The following SHLD3 variants were observed in gnomAD, a reference collection of about 807,000 sequenced individuals.
The protein encoded by SHLD3 is shieldin complex subunit 3.
In SHLD3, 15 loss-of-function variants were observed where a neutral mutation model predicts 21.4. The observed-to-expected ratio is 0.70, with a 90% CI of 0.47 to 1.08. The LOEUF is 1.08. SHLD3 is among the 50% of genes least tolerant of loss of function. The pLI is 0.00. For synonymous variants in SHLD3, 103 were observed against 97.2 expected (o/e 1.06, Z -0.35); for missense variants, 273 against 286.1 (o/e 0.95, Z 0.33).
chr5:65,625,242 G>A, intron 1 of SHLD3, 136 bp downstream of exon 1: 2 of 754,834 alleles, frequency 2.6e-6, no homozygotes, highest in Non-Finnish European at 4.5e-6. Context: ...CCGCCAAGCG[G>A]GAGGAAGCGA....
In SHLD3 at chr5:65,629,996, C is replaced by A. The variant is rs1050386532; in HGVS notation, c.409C>A (p.Pro137Thr). 2.6e-6 allele frequency: 4 copies of A among 1,535,846 alleles called. No individual in the cohort carries two copies. Among genetic ancestry groups the A allele is most frequent in the East Asian group, 2.4e-5 (1 of 40,910 alleles). The change falls in exon 2 of 2, where the codon CCC (proline) becomes ACC (threonine). Residue 137 changes from proline (P) to threonine (T), a missense_variant. By Grantham distance (38) the Pro-to-Thr change is conservative. Coordinates refer to ENST00000510585, the MANE Select transcript of SHLD3 (RefSeq NM_001365341.2). The part of the protein sequence containing the change: ...HKRRSWSISL[P>T]SNNCTKNVSP... ...GAGGAGATCTTGGAGTATTTCCCTTCCCAGCAATAATTGTACTAAAAACGT... is the reference window on the plus strand; with the variant it reads ...GAGGAGATCTTGGAGTATTTCCCTTACCAGCAATAATTGTACTAAAAACGT...
intron 1 of SHLD3, among the ~76,000 whole-genome samples, chr5:65,628,943 T>C (rs542383852): frequency 6.6e-6 from 1 of 151,690 alleles, no homozygotes; most frequent in East Asian, 1.9e-4. Flanking sequence ...TCAGCTTCCC[T>C]AGTAGCTGGG....
Position 65,629,952 on chromosome 5 carries a change from A to C in SHLD3, c.365A>C (p.Glu122Ala). ...TNSGNLGKQSEKGKQHKRRSW... is the reference protein window; with the variant it reads ...TNSGNLGKQSAKGKQHKRRSW... ...TCTGGAAATCTGGGTAAACAATCAG[A>C]AAAGGGAAAACAGCACAAGAGGAGA... Residue 122 changes from glutamate (E) to alanine (A), a missense_variant, in exon 2 of 2, where the codon GAA becomes GCA. Coordinates refer to ENST00000510585, the MANE Select transcript of SHLD3 (RefSeq NM_001365341.2). The C allele has an allele frequency of 6.5e-7, 1 of 1,536,114 alleles. No individual in the cohort carries two copies. The highest frequency in any genetic ancestry group is 8.7e-7 in the Non-Finnish European group (1 of 1,146,878).
At chr5:65,627,328 C>T (rs1392196835) in intron 1 of SHLD3, among the ~76,000 whole-genome samples, 1 of 150,832 alleles carries the variant, frequency 6.6e-6, no homozygotes, top group Non-Finnish European at 1.5e-5. Context: ...TTTAAGTGGT[C>T]ATTTAAGTTC....
rs373648699 is a variant in SHLD3, at chr5:65,629,885, C to T, written c.298C>T (p.Gln100Ter). ...GGAGTTTCAACCTAGCTTGAAAAAG[C>T]AGCATTTAACCTGGTCACACACACT... is the stretch of plus-strand genomic sequence containing the variant. ...LLEFQPSLKKQHLTWSHTLKE... is the reference protein window; with the variant it reads ...LLEFQPSLKK The change falls in exon 2 of 2, where the codon CAG becomes TAG. Residue 100 changes from glutamine (Q) to a stop codon, truncating the protein, a stop_gained. Transcript: ENST00000510585. LOFTEE classifies it high-confidence loss of function. 1 of 1,536,074 alleles carries T rather than the reference C, an allele frequency of 6.5e-7. No homozygotes were observed. Among genetic ancestry groups the T allele is most frequent in the Non-Finnish European group, 8.7e-7 (1 of 1,146,886 alleles).
At chr5:65,626,375 T>G (rs1755231402) in intron 1 of SHLD3, among the ~76,000 whole-genome samples, 1 of 152,196 alleles carries the variant, frequency 6.6e-6, no homozygotes, top group Non-Finnish European at 1.5e-5. Context: ...TACCAGCTAC[T>G]CCGATGGGAA....
At chr5:65,628,675 T>C (rs566307097) in intron 1 of SHLD3, among the ~76,000 whole-genome samples, 56 of 152,072 alleles carry the variant, frequency 3.7e-4, no homozygotes, top group Non-Finnish European at 6.8e-4. Context: ...TTTCACCATG[T>C]TGGCCAGGCT....
Position 65,627,875 on chromosome 5 carries a change from A to C in SHLD3, c.-120-1593A>C, listed in dbSNP as rs932487093. Among the ~76,000 whole-genome samples the C allele has an allele frequency of 5.9e-5, 9 of 152,168 alleles. No homozygotes were observed. The East Asian group carries it at 1.7e-3, about 29-fold the overall frequency. On this transcript the variant is annotated intron_variant, in intron 1 of 1. Coordinates refer to ENST00000510585, the MANE Select transcript of SHLD3 (RefSeq NM_001365341.2). ...TGTTAGTGGGCAGTATCAGTAGGTA[A>C]AAATAATGAAATTATTTCTTCTAAC...
At chr5:65,629,420 G>T in intron 1 of SHLD3, 48 bp from the exon 2 acceptor site, 2 of 1,283,496 alleles carry the variant, frequency 1.6e-6, no homozygotes, top group Non-Finnish European at 9.9e-7. Context: ...CTGTTGGTAG[G>T]CAGGGTATCC....
intron 1 of SHLD3, among the ~76,000 whole-genome samples, chr5:65,626,602 GGC>G (rs1755244650): frequency 6.6e-6 from 1 of 152,112 alleles, no homozygotes; most frequent in Admixed American, 6.5e-5. Flanking sequence ...CAGGCGTGGT[GGC>G]GGGCGCCTGT....
In SHLD3 at chr5:65,630,350, C is replaced by T; in HGVS notation, c.*10C>T. 1 of 1,475,098 alleles carries T rather than the reference C, an allele frequency of 6.8e-7. No individual in the cohort carries two copies. Among genetic ancestry groups the T allele is most frequent in the East Asian group, 2.5e-5 (1 of 40,286 alleles). The allele number at this position is 1,475,098 out of a possible 1,614,324, so 91.4% of individuals were successfully genotyped here. A position where few individuals can be genotyped will look rare whatever the true frequency, so the allele number is the denominator to read the frequency against. On this transcript the variant is annotated 3_prime_UTR_variant, in exon 2 of 2. Transcript: ENST00000510585. ...TATTTTTAGTATGTAATGAATTCCA[C>T]TGATTGTCAAAAAGAATATTCTGAA...
At chr5:65,626,285 C>G (rs1230142751) in intron 1 of SHLD3, 1 of 152,174 alleles carries the variant, frequency 6.6e-6, no homozygotes, top group Non-Finnish European at 1.5e-5. Context: ...GGCAGTGTTT[C>G]AACGCAAGGC....
Position 65,630,897 on chromosome 5 carries a change from T to C in SHLD3, c.*557T>C, listed in dbSNP as rs1755519340. The C allele has an allele frequency of 1.3e-5, 2 of 159,508 alleles. No homozygotes were observed. Among genetic ancestry groups the C allele is most frequent in the Admixed American group, 1.3e-4 (2 of 15,316 alleles). The allele number at this position is 159,508 out of a possible 1,614,324, so 9.9% of individuals were successfully genotyped here. Reference sequence around the variant, plus strand: ...AAGTATCAAATGTTGAATGATTGTTTATTTCTTCTAATACAGATAATTCAG... The same window carrying C: ...AAGTATCAAATGTTGAATGATTGTTCATTTCTTCTAATACAGATAATTCAG... On this transcript the variant is annotated 3_prime_UTR_variant, in exon 2 of 2. Transcript: ENST00000510585.
At chr5:65,627,578 C>T (rs1252781863) in intron 1 of SHLD3, among the ~76,000 whole-genome samples, 1 of 149,858 alleles carries the variant, frequency 6.7e-6, no homozygotes, top group African/African-American at 2.5e-5. Flanking sequence ...TGCTGTAAGC[C>T]GAGATTGTGC....
chr5:65,626,721 G>A (rs1322226751), intron 1 of SHLD3, among the ~76,000 whole-genome samples: 2 of 152,298 alleles, frequency 1.3e-5, no homozygotes, highest in Admixed American at 1.3e-4. Context: ...AGGCAACAGA[G>A]CGAGACTCCA....
At chr5:65,627,458 C>A (rs781132668) in intron 1 of SHLD3, among the ~76,000 whole-genome samples, 5 of 151,848 alleles carry the variant, frequency 3.3e-5, no homozygotes, top group Non-Finnish European at 7.4e-5. Flanking sequence ...TATGAAACCC[C>A]GTCTCTACTG....
chr5:65,629,514 A>G lies in SHLD3; in HGVS notation c.-74A>G. On this transcript the variant is annotated 5_prime_UTR_variant, in exon 2 of 2. The change creates a new upstream start codon in the 5' untranslated region. Transcript: ENST00000510585. The stretch of plus-strand genomic sequence containing the variant: ...GCAAGAGAGACAATCTTGCAATAAT[A>G]AATTAACATTCTAGCTCTGAGGAGT... 6.9e-7 allele frequency: 1 copy of G among 1,440,978 alleles called. No homozygotes were observed. Among genetic ancestry groups the G allele is most frequent in the Non-Finnish European group, 9.1e-7 (1 of 1,102,910 alleles). The allele number at this position is 1,440,978 out of a possible 1,614,324, so 89.3% of individuals were successfully genotyped here. A position where few individuals can be genotyped will look rare whatever the true frequency, so the allele number is the denominator to read the frequency against.
At chr5:65,629,377 G>GTTTTTGT in intron 1 of SHLD3, 91 bp from the exon 2 acceptor site, 2 of 1,000,370 alleles carry the variant, frequency 2.0e-6, no homozygotes, top group Non-Finnish European at 2.6e-6. Context: ...ATTGGGATTG[G>GTTTTTGT]TTTTTGTTTT....
Position 65,629,466 on chromosome 5 carries a change from A to G in SHLD3, c.-120-2A>G, listed in dbSNP as rs557916182. On this transcript the variant is annotated splice_acceptor_variant, in intron 1 of 1. Coordinates refer to ENST00000510585, the MANE Select transcript of SHLD3 (RefSeq NM_001365341.2). LOFTEE classifies it low-confidence loss of function (5UTR_SPLICE). ...TTATTCTTTGCAATACTTCTACTTTAGGTCCTGTTTCCCTCTGATTTGGCA... is the reference window on the plus strand; with the variant it reads ...TTATTCTTTGCAATACTTCTACTTTGGGTCCTGTTTCCCTCTGATTTGGCA... 1 of 1,421,710 alleles carries G rather than the reference A, an allele frequency of 7.0e-7. No individual in the cohort carries two copies. Among genetic ancestry groups the G allele is most frequent in the East Asian group, 2.5e-5 (1 of 39,932 alleles). The allele number at this position is 1,421,710 out of a possible 1,614,324, so 88.1% of individuals were successfully genotyped here.
Sources: allele counts gnomAD v4.1 joint callset (sites outside exome capture counted in the v4.1 genomes callset), GRCh38; gene constraint gnomAD v4.1.1; transcripts MANE v1.5; gene names NCBI Gene and HGNC (gene_info 2026-07-23, HGNC 2026-07-21).